The following BCAT2 variants were observed in gnomAD, a reference collection of about 807,000 sequenced individuals.
BCAT2 encodes the protein branched-chain-amino-acid aminotransferase, mitochondrial.
A neutral mutation model predicts 52.9 loss-of-function variants in BCAT2; 44 were observed. The observed-to-expected ratio is 0.83, with a 90% CI of 0.65 to 1.07. The LOEUF is 1.07. BCAT2 is among the 50% of genes least tolerant of loss of function. The pLI, the probability that BCAT2 is intolerant of heterozygous loss-of-function variation, is 0.00. For synonymous variants in BCAT2, 215 were observed against 217.1 expected (o/e 0.99, Z 0.08); for missense variants, 478 against 521.8 (o/e 0.92, Z 0.82).
intron 3 of BCAT2, among the ~76,000 whole-genome samples, chr19:48,801,516 TCA>T (rs762974692): frequency 4.6e-5 from 7 of 152,078 alleles, no homozygotes; most frequent in Non-Finnish European, 7.4e-5. Context: ...AATCTCTATT[TCA>T]CACCTCACAC....
At chr19:48,810,652 A>ACCGCACCCCAGGGCT (rs1380246540) in intron 1 of BCAT2, among the ~76,000 whole-genome samples, 1 of 144,804 alleles carries the variant, frequency 6.9e-6, no homozygotes, top group Admixed American at 6.9e-5. Flanking sequence ...CTGATGCCCC[A>ACCGCACCCCAGGGCT]CCGCACCCCA....
rs2034628099 is a variant in BCAT2 at position 48,800,210 on chromosome 19, A to T, written c.388T>A (p.Ser130Thr). 1 of 1,613,782 alleles carries T rather than the reference A, an allele frequency of 6.2e-7. No individual in the cohort carries two copies. The highest frequency in any genetic ancestry group is 1.7e-5 in the Admixed American group (1 of 60,022). Residue 130 changes from serine (S) to threonine (T), a missense_variant, in exon 4 of 11, where the codon TCA becomes ACA. By Grantham distance (58) the Ser-to-Thr change is moderately conservative (BLOSUM62 1). Coordinates refer to ENST00000316273, the MANE Select transcript of BCAT2 (RefSeq NM_001190.4). Reference sequence around the variant, plus strand: ...ACCGGCAGGCACAGGCGCATGGCTGAGCGCAGCATCCGGTCCATGTTGAGC... The same window carrying T: ...ACCGGCAGGCACAGGCGCATGGCTGTGCGCAGCATCCGGTCCATGTTGAGC... ...PWLNMDRMLRSAMRLCLPSFD... is the reference protein window; with the variant it reads ...PWLNMDRMLRTAMRLCLPSFD...
At position 48,797,209 on chromosome 19, in the gene BCAT2, A is replaced by G; in HGVS notation, c.820T>C (p.Trp274Arg). 1 of 1,613,888 alleles carries G rather than the reference A, an allele frequency of 6.2e-7. No homozygotes were observed. Among genetic ancestry groups the G allele is most frequent in the African/African-American group, 1.3e-5 (1 of 75,054 alleles). ...EVGTMNIFVY[W>R]THEDGVLELV... is the part of the protein sequence containing the mutation. ...GGCTTACCCCCATCTTCGTGGGTCCAGTAGACAAAGATGTTCATGGTTCCC... is the reference window on the plus strand; with the variant it reads ...GGCTTACCCCCATCTTCGTGGGTCCGGTAGACAAAGATGTTCATGGTTCCC... The change falls in exon 7 of 11, where the codon TGG (tryptophan) becomes CGG (arginine). Residue 274 changes from tryptophan to arginine, a missense_variant. Physicochemically the swap from Trp to Arg is moderately radical, Grantham distance 101. Transcript: ENST00000316273.
chr19:48,806,547 T>C lies in BCAT2; in HGVS notation c.270A>G (p.Pro90=), dbSNP rs757196220. ...IQPFQNLTLH[P]ASSSLHYSLQ... ...GGGAGTAGTGGAGGCTGGAGGAGGC[T>C]GGGTGCAGCGTGAGGTTCTGGAAGG... Residue 90 remains proline, a synonymous_variant, in exon 3 of 11, where the codon CCA becomes CCG. Transcript: ENST00000316273. 1 of 1,613,846 alleles carries C rather than the reference T, an allele frequency of 6.2e-7. No homozygotes were observed. Among genetic ancestry groups the C allele is most frequent in the Non-Finnish European group, 8.5e-7 (1 of 1,179,948 alleles).
intron 6 of BCAT2, 23 bp from the exon 7 acceptor site, chr19:48,797,356 G>A (rs746148779): frequency 1.2e-6 from 2 of 1,613,142 alleles, no homozygotes; most frequent in Non-Finnish European, 1.7e-6. Flanking sequence ...AGTCTGGTTG[G>A]GTGGGGCAAG....
Position 48,807,721 on chromosome 19 carries a change from C to T in BCAT2, c.25-647G>A. On this transcript the variant is annotated intron_variant, in intron 1 of 10. Transcript: ENST00000316273. The surrounding 1 kb of genome is among the most constrained non-coding windows in gnomAD (Gnocchi z 4.6). ...AGACCCAGGAGTACAGGTGCTTATTCTCTGAAGGTATTCGATCAACTGGGC... is the reference window on the plus strand; with the variant it reads ...AGACCCAGGAGTACAGGTGCTTATTTTCTGAAGGTATTCGATCAACTGGGC... 5 of 986,778 alleles carry T rather than the reference C, an allele frequency of 5.1e-6. No homozygotes were observed. Among genetic ancestry groups the T allele is most frequent in the Non-Finnish European group, 6.0e-6 (5 of 830,220 alleles). The allele number at this position is 986,778 out of a possible 1,614,324, so 61.1% of individuals were successfully genotyped here.
chr19:48,804,978 C>A (rs2034735744), intron 3 of BCAT2, among the ~76,000 whole-genome samples: 1 of 151,138 alleles, frequency 6.6e-6, no homozygotes, highest in Non-Finnish European at 1.5e-5. Flanking sequence ...GGGGAAAAAA[C>A]AAAACCTTAA....
chr19:48,799,269 CG>C lies in BCAT2; in HGVS notation c.695+405del. 1 of 165,844 alleles carries C rather than the reference CG, an allele frequency of 6.0e-6. No individual in the cohort carries two copies. Among genetic ancestry groups the C allele is most frequent in the Non-Finnish European group, 1.3e-5 (1 of 78,628 alleles). The allele number at this position is 165,844 out of a possible 1,614,324, so 10.3% of individuals were successfully genotyped here. On this transcript the variant is annotated intron_variant, in intron 6 of 10. Coordinates refer to ENST00000316273, the MANE Select transcript of BCAT2 (RefSeq NM_001190.4). This position sits in a 1 kb window ranked among gnomAD's most constrained non-coding sequence, Gnocchi z 5.5. ...GACAGATTTACACAGAAAGTCCACACGGGGGTGAGGGGCTTTGGAGGCTCAA... is the reference window on the plus strand; with the variant it reads ...GACAGATTTACACAGAAAGTCCACACGGGGTGAGGGGCTTTGGAGGCTCAA...
chr19:48,801,531 G>GAA (rs936274454), intron 3 of BCAT2, among the ~76,000 whole-genome samples: 2 of 151,308 alleles, frequency 1.3e-5, no homozygotes, highest in African/African-American at 4.9e-5. Flanking sequence ...CCTCACACCA[G>GAA]AAAAAATTCC....
At chr19:48,808,388 G>C (rs1470470059) in intron 1 of BCAT2, 1 of 467,392 alleles carries the variant, frequency 2.1e-6, no homozygotes, top group Non-Finnish European at 2.8e-6. Flanking sequence ...CACAGAAAGG[G>C]GCGCACAAAC....
chr19:48,800,655 T>C (rs2034638842), intron 3 of BCAT2, among the ~76,000 whole-genome samples: 1 of 151,954 alleles, frequency 6.6e-6, no homozygotes, highest in Non-Finnish European at 1.5e-5. Context: ...TACCAAAAAA[T>C]ACGAAAATTA....
In BCAT2 at chr19:48,795,157, T is replaced by C. The variant is rs546663379; in HGVS notation, c.*269A>G. 2 of 543,322 alleles carry C rather than the reference T, an allele frequency of 3.7e-6. No homozygotes were observed. Among genetic ancestry groups the C allele is most frequent in the Non-Finnish European group, 6.6e-6 (2 of 303,148 alleles). 33.7% of individuals were successfully genotyped at this position (543,322 alleles called of 1,614,324 possible). Reference sequence around the variant, plus strand: ...GGGGTCTGGCCTGAGAACGGAGAGATCCGGAATCGGGGCCAAGGTGTATCC... The same window carrying C: ...GGGGTCTGGCCTGAGAACGGAGAGACCCGGAATCGGGGCCAAGGTGTATCC... On this transcript the variant is annotated 3_prime_UTR_variant, in exon 11 of 11. Transcript: ENST00000316273.
At position 48,800,003 on chromosome 19, in the gene BCAT2, C is replaced by T. The variant is rs749866079; in HGVS notation, c.509G>A (p.Arg170Gln). 1.2e-6 allele frequency: 2 copies of T among 1,613,912 alleles called. No individual in the cohort carries two copies. Among genetic ancestry groups the T allele is most frequent in the Non-Finnish European group, 1.7e-6 (2 of 1,179,892 alleles). ...PDAAGTSLYV[R>Q]PVLIGNEPSL... is the part of the protein sequence containing the mutation. The stretch of plus-strand genomic sequence containing the variant: ...CACCTCGTTCCCAATGAGCACAGGC[C>T]GCACATAGAGGCTGGTGCCGGCGGC... The change falls in exon 5 of 11, where the codon CGG becomes CAG. Residue 170 changes from arginine to glutamine, a missense_variant. Coordinates refer to ENST00000316273, the MANE Select transcript of BCAT2 (RefSeq NM_001190.4).
intron 3 of BCAT2, among the ~76,000 whole-genome samples, chr19:48,801,880 G>A (rs1408679924): frequency 2.0e-5 from 3 of 150,934 alleles, no homozygotes; most frequent in Non-Finnish European, 4.4e-5. Flanking sequence ...CAGGTGATGC[G>A]CCCACCTCGG....
rs2034602924 is a variant in BCAT2, at chr19:48,799,358, G to A, written c.695+317C>T. The A allele has an allele frequency of 2.6e-5, 7 of 273,598 alleles. No homozygotes were observed. The South Asian group carries it at 8.3e-4, about 32-fold the overall frequency. The allele number at this position is 273,598 out of a possible 1,614,324, so 16.9% of individuals were successfully genotyped here. A position where few individuals can be genotyped will look rare whatever the true frequency, so the allele number is the denominator to read the frequency against. ...CCTGGGGGATCAGGGGAGGCTTCTG[G>A]GGCGAGAAGCCAATGAGCTGAGTGT... On this transcript the variant is annotated intron_variant, in intron 6 of 10. Transcript: ENST00000316273. This position sits in a 1 kb window ranked among gnomAD's most constrained non-coding sequence, Gnocchi z 5.5.
At chr19:48,797,398 A>C (rs769163361) in intron 6 of BCAT2, 65 bp from the exon 7 acceptor site, 1 of 1,588,444 alleles carries the variant, frequency 6.3e-7, no homozygotes, top group Non-Finnish European at 8.6e-7. Context: ...CCAGCCCCAG[A>C]GGAGGCTCAT....
intron 1 of BCAT2, among the ~76,000 whole-genome samples, chr19:48,809,666 C>T (rs1387688574): frequency 6.6e-6 from 1 of 151,866 alleles, no homozygotes; most frequent in Non-Finnish European, 1.5e-5. Flanking sequence ...CCAAACAGCT[C>T]AGGAATGTCC....
At position 48,799,698 on chromosome 19, in the gene BCAT2, C is replaced by T. The variant is rs2034610359; in HGVS notation, c.672G>A (p.Gly224=). ...DPAFIRAWVG[G]VGNYKLGGNY... is the part of the protein sequence containing the mutation. ...ACCCACCTAACTTGTAGTTGCCGACCCCGCCCACCCAGGCCCGGATGAAGG... is the reference window on the plus strand; with the variant it reads ...ACCCACCTAACTTGTAGTTGCCGACTCCGCCCACCCAGGCCCGGATGAAGG... The change falls in exon 6 of 11, where the codon GGG becomes GGA. Residue 224 remains glycine (G), a synonymous_variant. Transcript: ENST00000316273. This position sits in a 1 kb window ranked among gnomAD's most constrained non-coding sequence, Gnocchi z 5.5. The T allele has an allele frequency of 6.3e-7, 1 of 1,586,774 alleles. No individual in the cohort carries two copies. The highest frequency in any genetic ancestry group is 8.5e-7 in the Non-Finnish European group (1 of 1,170,052).
rs1011039093 is a variant in BCAT2 at position 48,800,229 on chromosome 19, G to A, written c.369C>T (p.Asn123=). Residue 123 remains asparagine, a synonymous_variant, in exon 4 of 11, where the codon AAC becomes AAT. Transcript: ENST00000316273. ...QQVRLFRPWL[N]MDRMLRSAMR... ...TGGCTGAGCGCAGCATCCGGTCCAT[G>A]TTGAGCCAGGGGCGGAAGAGGCGCA... is the stretch of plus-strand genomic sequence containing the variant. The A allele has an allele frequency of 3.1e-6, 5 of 1,613,920 alleles. No individual in the cohort carries two copies. In the Admixed American group the frequency reaches 8.3e-5, roughly 27 times the overall value.
Sources: gnomAD v4.1 joint callset for allele counts (sites outside exome capture counted in the v4.1 genomes callset) on GRCh38, gnomAD v4.1.1 for gene constraint, Gnocchi (gnomAD v3.1) non-coding constraint, MANE v1.5 for transcripts, NCBI Gene and HGNC (gene_info 2026-07-23, HGNC 2026-07-21) for gene names.